FGF14: variants seen among roughly 807,000 people sequenced by gnomAD.
The protein encoded by FGF14 is fibroblast growth factor 14.
Under a neutral mutation model 25.5 loss-of-function variants are expected in FGF14, and 5 were observed. The observed-to-expected ratio is 0.20, with a 90% confidence interval of 0.10 to 0.41. The LOEUF (loss-of-function observed/expected upper bound fraction) is 0.41. FGF14 is among the 10% of genes least tolerant of loss of function. The pLI is 1.00. For missense variants in FGF14, 222 were observed against 320.1 expected, an observed-to-expected ratio of 0.69 and a Z score of 2.34; for synonymous variants, 138 against 118.3, an observed-to-expected ratio of 1.17 and a Z score of -1.08.
At position 102,231,519 on chromosome 13, in the gene FGF14, C is replaced by G. The variant is rs112946859; in HGVS notation, c.208+169952G>C. ...ATCGATAGAATTAAAGAACTGTAAG[C>G]CACAATTCTTGAGATTTATAACAGA... On this transcript the variant is annotated intron_variant, in intron 1 of 4. Coordinates refer to the FGF14 transcript ENST00000376131. Among the ~76,000 whole-genome samples the G allele has an allele frequency of 3.9e-3, 600 of 152,230 alleles. 6 individuals are homozygous for G. The highest frequency in any genetic ancestry group is 0.014 in the African/African-American group (582 of 41,534).
At chr13:102,140,045 C>CG (rs1423471289) in intron 1 of FGF14, among the ~76,000 whole-genome samples, 12 of 105,148 alleles carry the variant, frequency 1.1e-4, no homozygotes, top group African/African-American at 4.3e-4. Flanking sequence ...TCTTCAAGAC[C>CG]CCCCCCCCCC....
At chr13:102,185,898 C>A (rs910405655) in intron 1 of FGF14, among the ~76,000 whole-genome samples, 1 of 152,116 alleles carries the variant, frequency 6.6e-6, no homozygotes, top group African/African-American at 2.4e-5. Flanking sequence ...ACTGTTTAAC[C>A]CTTTCATACC....
chr13:102,289,908 T>G lies in FGF14; in HGVS notation c.208+111563A>C, dbSNP rs574684991. Among the ~76,000 whole-genome samples the G allele has an allele frequency of 1.6e-3, 237 of 152,250 alleles. 2 individuals carry two copies. In the Middle Eastern group the frequency reaches 0.017, roughly 11 times the overall value. The stretch of plus-strand genomic sequence containing the variant: ...CTCTCTCTTTCCCTCCCTCTCTCTC[T>G]CTCTGCCTTTCTCTCTCTCTTTCTT... On this transcript the variant is annotated intron_variant, in intron 1 of 4. Coordinates refer to the FGF14 transcript ENST00000376131.
chr13:101,803,033 T>G (rs991919063), intron 3 of FGF14, among the ~76,000 whole-genome samples: 5 of 152,158 alleles, frequency 3.3e-5, no homozygotes, highest in African/African-American at 1.2e-4. Flanking sequence ...TATAGTCAGA[T>G]AGCATTCTGC....
At position 101,715,834 on chromosome 13, in the gene FGF14, T is replaced by A; in HGVS notation, c.*6997A>T. 2.1e-6 allele frequency: 1 copy of A among 474,648 alleles called. No individual in the cohort carries two copies. Among genetic ancestry groups the A allele is most frequent in the African/African-American group, 2.0e-5 (1 of 50,514 alleles). 29.4% of individuals were successfully genotyped at this position (474,648 alleles called of 1,614,324 possible). On this transcript the variant is annotated 3_prime_UTR_variant, in exon 5 of 5. Transcript: ENST00000376143. ...TAGAAATGAGTTATGCAAATTTAGATGCAAATAACATTAGAAAAAAAAGAT... is the reference window on the plus strand; with the variant it reads ...TAGAAATGAGTTATGCAAATTTAGAAGCAAATAACATTAGAAAAAAAAGAT...
intron 3 of FGF14, among the ~76,000 whole-genome samples, chr13:101,737,008 A>G (rs1387255536): frequency 2.8e-5 from 2 of 72,260 alleles, no homozygotes; most frequent in African/African-American, 6.0e-5. Flanking sequence ...TATCAGTCTT[A>G]GCAACTATTC....
intron 3 of FGF14, among the ~76,000 whole-genome samples, chr13:101,832,140 C>T (rs957540761): frequency 6.6e-6 from 1 of 151,998 alleles, no homozygotes; most frequent in African/African-American, 2.4e-5. Context: ...CCGATATACG[C>T]AGAAGAGAAG....
chr13:101,928,162 T>C (rs997089832), intron 1 of FGF14, among the ~76,000 whole-genome samples: 2 of 152,218 alleles, frequency 1.3e-5, no homozygotes, highest in African/African-American at 4.8e-5. Context: ...GAAGGTCTGC[T>C]GCCCAGGAGA....
At chr13:101,898,341 A>AC (rs2031021147) in intron 1 of FGF14, among the ~76,000 whole-genome samples, 2 of 144,372 alleles carry the variant, frequency 1.4e-5, no homozygotes, top group Non-Finnish European at 3.0e-5. Flanking sequence ...TGAAACATAC[A>AC]ACACACACAC....
chr13:102,059,307 C>T (rs544468934), intron 1 of FGF14, among the ~76,000 whole-genome samples: 62 of 152,278 alleles, frequency 4.1e-4, no homozygotes, highest in African/African-American at 1.5e-3. Flanking sequence ...AAGCCAATGG[C>T]CTTTAGAATG....
chr13:102,307,457 G>T (rs1348334755), intron 1 of FGF14, among the ~76,000 whole-genome samples: 1 of 152,022 alleles, frequency 6.6e-6, no homozygotes, highest in Admixed American at 6.6e-5. Flanking sequence ...ACTTAAAAAT[G>T]GAGTCACAAG....
At chr13:102,016,023 A>AT (rs142967624) in intron 1 of FGF14, among the ~76,000 whole-genome samples, 4,867 of 152,226 alleles carry the variant, frequency 0.032, 249 homozygotes, top group African/African-American at 0.11. Context: ...AATTTTATGA[A>AT]TTTGGTATAA....
intron 1 of FGF14, among the ~76,000 whole-genome samples, chr13:102,005,362 G>A (rs555801044): frequency 3.9e-5 from 6 of 152,298 alleles, no homozygotes; most frequent in African/African-American, 1.4e-4. Flanking sequence ...AACTTGCACA[G>A]AGATTTCTGT....
At chr13:102,187,279 T>A (rs924395016) in intron 1 of FGF14, among the ~76,000 whole-genome samples, 3 of 152,226 alleles carry the variant, frequency 2.0e-5, no homozygotes, top group Non-Finnish European at 4.4e-5. Flanking sequence ...AATCAAAGTA[T>A]AATTACAAAA....
At chr13:101,916,418 C>T (rs765360482) in intron 1 of FGF14, 35 bp downstream of exon 1, 8 of 1,611,298 alleles carry the variant, frequency 5.0e-6, no homozygotes, top group Admixed American at 3.3e-5. Context: ...AGGGGGCGAC[C>T]CGGGGCGCAT....
chr13:102,310,462 A>G (rs1486484007), intron 1 of FGF14, among the ~76,000 whole-genome samples: 4 of 152,160 alleles, frequency 2.6e-5, no homozygotes, highest in Admixed American at 6.5e-5. Flanking sequence ...AAAGGAGAAG[A>G]GAACTTACTT....
intron 1 of FGF14, among the ~76,000 whole-genome samples, chr13:101,980,410 C>A (rs1370153677): frequency 6.6e-6 from 1 of 151,352 alleles, no homozygotes; most frequent in Non-Finnish European, 1.5e-5. Context: ...TTAAAAGTCT[C>A]TGCATATATG....
intron 1 of FGF14, among the ~76,000 whole-genome samples, chr13:102,157,822 CAAGAA>C (rs981761989): frequency 7.2e-5 from 11 of 152,118 alleles, no homozygotes; most frequent in Non-Finnish European, 1.5e-4. Flanking sequence ...AACAAATTTA[CAAGAA>C]AAGAACAAAC....
chr13:102,080,166 C>T lies in FGF14; in HGVS notation c.209-204870G>A, dbSNP rs75941169. Among the ~76,000 whole-genome samples, 705 of 152,208 alleles carry T rather than the reference C, an allele frequency of 4.6e-3. 10 individuals carry two copies. The highest frequency in any genetic ancestry group is 0.016 in the African/African-American group (658 of 41,536). On this transcript the variant is annotated intron_variant, in intron 1 of 4. Coordinates refer to the FGF14 transcript ENST00000376131. ...ACTTGAGTATTAACAGGCTCATCCT[C>T]GTTTCTACTTAAAGAAAAGATTGTA...
Sources: allele counts gnomAD v4.1 joint callset (sites outside exome capture counted in the v4.1 genomes callset), GRCh38; gene constraint gnomAD v4.1.1; transcripts MANE v1.5; gene names NCBI Gene and HGNC (gene_info 2026-07-23, HGNC 2026-07-21).